ARK2N: variants seen among roughly 807,000 people sequenced by gnomAD.
ARK2N encodes the protein protein ARK2N.
chr18:46,263,156 C>T, the ARK2N span: 10 of 1,529,726 alleles, frequency 6.5e-6, no homozygotes, highest in Non-Finnish European at 8.9e-6. Flanking sequence ...TGTTCCCTTC[C>T]ACTTCCTCAT....
At chr18:46,212,308 C>T in the ARK2N span, among the ~76,000 whole-genome samples, 3 of 152,166 alleles carry the variant, frequency 2.0e-5, no homozygotes, top group African/African-American at 7.2e-5. Context: ...TACAAAACTG[C>T]ATACCACACT....
the ARK2N span, among the ~76,000 whole-genome samples, chr18:46,208,693 C>T: frequency 5.3e-5 from 8 of 152,120 alleles, no homozygotes; most frequent in Non-Finnish European, 7.4e-5. Flanking sequence ...TGGTCTCGAT[C>T]TCTTGACCTT....
chr18:46,259,881 C>A, the ARK2N span, among the ~76,000 whole-genome samples: 1 of 41,160 alleles, frequency 2.4e-5, no homozygotes, highest in Non-Finnish European at 6.2e-5. Flanking sequence ...AGTGATCCTC[C>A]CGTCTGTGTG....
the ARK2N span, chr18:46,232,202 A>G: frequency 6.6e-6 from 1 of 152,214 alleles, no homozygotes; most frequent in Admixed American, 6.5e-5. Flanking sequence ...GCCTAAAGGT[A>G]TACAGTTACA....
chr18:46,226,828 A>ATGG, the ARK2N span, among the ~76,000 whole-genome samples: 1 of 131,200 alleles, frequency 7.6e-6, no homozygotes, highest in Non-Finnish European at 1.6e-5. Context: ...TTTTTTTGAG[A>ATGG]TGGAGTTTCG....
At chr18:46,173,865 G>C in the ARK2N span, among the ~76,000 whole-genome samples, 47,412 of 152,152 alleles carry the variant, frequency 0.31, 7,886 homozygotes, top group East Asian at 0.54. Flanking sequence ...AAAGAAGCCC[G>C]GGGAGCCGGC....
chr18:46,185,499 G>A, the ARK2N span, among the ~76,000 whole-genome samples: 1 of 152,176 alleles, frequency 6.6e-6, no homozygotes, highest in Non-Finnish European at 1.5e-5. Flanking sequence ...CATTGTCATA[G>A]CTCTCTACTG....
At chr18:46,219,536 C>T in the ARK2N span, among the ~76,000 whole-genome samples, 1 of 150,116 alleles carries the variant, frequency 6.7e-6, no homozygotes, top group Non-Finnish European at 1.5e-5. Context: ...GTGGCGCGAT[C>T]TCTGCTCACT....
the ARK2N span, among the ~76,000 whole-genome samples, chr18:46,186,127 TTTA>T: frequency 2.0e-5 from 3 of 152,112 alleles, no homozygotes; most frequent in African/African-American, 7.2e-5. Context: ...GTGTTTTTAT[TTTA>T]TTATTTTTAT....
chr18:46,189,754 C>A, the ARK2N span, among the ~76,000 whole-genome samples: 1 of 152,166 alleles, frequency 6.6e-6, no homozygotes, highest in Non-Finnish European at 1.5e-5. Flanking sequence ...GTCCCAGCTA[C>A]TTGGGACACC....
At chr18:46,201,759 G>GTTTTC in the ARK2N span, among the ~76,000 whole-genome samples, 49 of 149,024 alleles carry the variant, frequency 3.3e-4, no homozygotes, top group African/African-American at 7.7e-4. Flanking sequence ...ATCAGATCTA[G>GTTTTC]TTTTCTTTTC....
the ARK2N span, among the ~76,000 whole-genome samples, chr18:46,244,803 G>A: frequency 2.0e-5 from 3 of 151,856 alleles, no homozygotes; most frequent in East Asian, 5.8e-4. Context: ...GGTTTACCAT[G>A]TTGGCCAGAC....
chr18:46,253,720 G>T, the ARK2N span: 21 of 1,604,552 alleles, frequency 1.3e-5, no homozygotes, highest in Non-Finnish European at 1.7e-5. Context: ...AGGATTCCTA[G>T]CAAGTGACAA....
At chr18:46,198,310 C>CAAAAAAAAAAAAA in the ARK2N span, among the ~76,000 whole-genome samples, 1 of 69,114 alleles carries the variant, frequency 1.4e-5, no homozygotes. Context: ...ACTCCATCTC[C>CAAAAAAAAAAAAA]AAAAAAAAAA....
At chr18:46,183,976 AC>A in the ARK2N span, among the ~76,000 whole-genome samples, 1 of 150,874 alleles carries the variant, frequency 6.6e-6, no homozygotes, top group Non-Finnish European at 1.5e-5. Context: ...GGTGTGTGCC[AC>A]CATGCCTGGC....
the ARK2N span, among the ~76,000 whole-genome samples, chr18:46,184,673 GATTGTGCC>G: frequency 6.6e-6 from 1 of 152,196 alleles, no homozygotes; most frequent in African/African-American, 2.4e-5. Flanking sequence ...AATGAGCTGT[GATTGTGCC>G]ACTACACTCC....
chr18:46,180,552 C>T, the ARK2N span, among the ~76,000 whole-genome samples: 1 of 152,102 alleles, frequency 6.6e-6, no homozygotes, highest in African/African-American at 2.4e-5. Flanking sequence ...ACTAAAAATA[C>T]AAAATTAGTT....
chr18:46,204,967 A>G, the ARK2N span, among the ~76,000 whole-genome samples: 1 of 148,424 alleles, frequency 6.7e-6, no homozygotes. Flanking sequence ...ATTTTGAGAC[A>G]GAGTCTTGCC....
chr18:46,217,912 G>T, the ARK2N span: 1 of 152,106 alleles, frequency 6.6e-6, no homozygotes. Context: ...CAGGTTTTAG[G>T]TATATATTTT....
Sources: allele counts gnomAD v4.1 joint callset (sites outside exome capture counted in the v4.1 genomes callset), GRCh38; gene constraint gnomAD v4.1.1; transcripts MANE v1.5; gene names NCBI Gene and HGNC (gene_info 2026-07-23, HGNC 2026-07-21).